Variants in FMN2 observed in about 807,000 individuals in gnomAD.
FMN2 encodes formin-2.
A neutral mutation model predicts 142.3 loss-of-function variants in FMN2; 51 were observed. The ratio of observed to expected loss-of-function variants is 0.36; its 90% CI spans 0.29 to 0.45. The LOEUF (loss-of-function observed/expected upper bound fraction) is 0.45. Among genes scored for constraint, FMN2 ranks in the 20% least tolerant of loss-of-function variants. FMN2 has a pLI of 1.00. For synonymous variants in FMN2, 882 were observed against 869.8 expected, an observed-to-expected ratio of 1.01 and a Z score of -0.25; for missense variants, 1,936 against 2,122.8, an observed-to-expected ratio of 0.91 and a Z score of 1.73.
chr1:240,271,097 G>GTTTTTTTTT (rs1668990424), intron 7 of FMN2, among the ~76,000 whole-genome samples: 1 of 45,138 alleles, frequency 2.2e-5, no homozygotes. Context: ...TTTCCACGAT[G>GTTTTTTTTT]GTTTTTTTTT....
chr1:240,189,900 A>T (rs1252221460), intron 4 of FMN2, among the ~76,000 whole-genome samples: 1 of 152,196 alleles, frequency 6.6e-6, no homozygotes, highest in African/African-American at 2.4e-5. Context: ...TGTGGAAAGC[A>T]TGGCTAAATT....
At chr1:240,349,914 C>A (rs116123680) in intron 13 of FMN2, among the ~76,000 whole-genome samples, 2,521 of 151,458 alleles carry the variant, frequency 0.017, 88 homozygotes, top group African/African-American at 0.058. Flanking sequence ...AATAATGTTT[C>A]TAAATGACCC....
chr1:240,125,253 C>G (rs1279543870), intron 2 of FMN2, among the ~76,000 whole-genome samples: 5 of 152,172 alleles, frequency 3.3e-5, no homozygotes, highest in African/African-American at 9.7e-5. Context: ...ATTCTTGATG[C>G]TTCCCATTTG....
At position 240,217,166 on chromosome 1, in the gene FMN2, T is replaced by C. The variant is rs1331715217; in HGVS notation, c.4065+5931T>C. Among the ~76,000 whole-genome samples, 4 of 152,212 alleles carry C rather than the reference T, an allele frequency of 2.6e-5. No homozygotes were observed. In the East Asian group the frequency reaches 7.7e-4, roughly 29 times the overall value. On this transcript the variant is annotated intron_variant, in intron 6 of 17. Coordinates refer to ENST00000319653, the MANE Select transcript of FMN2 (RefSeq NM_020066.5). ...TGCCTGCCACTGTATTATTGGCTGCTATGAAAAGGAAAAAGAGATTACATA... is the reference window on the plus strand; with the variant it reads ...TGCCTGCCACTGTATTATTGGCTGCCATGAAAAGGAAAAAGAGATTACATA...
chr1:240,233,848 T>G (rs1448247736), intron 6 of FMN2, among the ~76,000 whole-genome samples: 1 of 152,140 alleles, frequency 6.6e-6, no homozygotes, highest in Non-Finnish European at 1.5e-5. Context: ...CCCTCCCTCC[T>G]TAACAAGCAA....
intron 13 of FMN2, among the ~76,000 whole-genome samples, chr1:240,343,889 G>A (rs1013664222): frequency 3.3e-5 from 5 of 152,122 alleles, no homozygotes; most frequent in Admixed American, 2.0e-4. Context: ...TTGGGTCGGC[G>A]GGGAGTATTT....
rs552536594 is a variant in FMN2 at position 240,188,003 on chromosome 1, G to A, written c.1931-204G>A. On this transcript the variant is annotated intron_variant, in intron 3 of 17. Coordinates refer to ENST00000319653, the MANE Select transcript of FMN2 (RefSeq NM_020066.5). Reference sequence around the variant, plus strand: ...TAGGAATATCCCAATTTTTAAAAATGACATGAGCATTCTCATTGTATGTAT... The same window carrying A: ...TAGGAATATCCCAATTTTTAAAAATAACATGAGCATTCTCATTGTATGTAT... Among the ~76,000 whole-genome samples, 10 of 152,280 alleles carry A rather than the reference G, an allele frequency of 6.6e-5. No individual in the cohort carries two copies. In the South Asian group the frequency reaches 1.9e-3, roughly 28 times the overall value.
At chr1:240,250,343 A>G (rs1668236343) in intron 6 of FMN2, among the ~76,000 whole-genome samples, 1 of 152,124 alleles carries the variant, frequency 6.6e-6, no homozygotes, top group Admixed American at 6.6e-5. Flanking sequence ...GTCCATTGAG[A>G]TGATCATATG....
intron 1 of FMN2, 71 bp from the exon 2 acceptor site, chr1:240,123,108 G>C (rs1285402206): frequency 6.4e-7 from 1 of 1,553,398 alleles, no homozygotes; most frequent in Admixed American, 1.8e-5. Context: ...TTACCCAGCC[G>C]CTGTCCCCTG....
chr1:240,284,168 C>T (rs1011855929), intron 7 of FMN2, among the ~76,000 whole-genome samples: 1 of 152,170 alleles, frequency 6.6e-6, no homozygotes, highest in Admixed American at 6.5e-5. Flanking sequence ...CTCAGATATT[C>T]TTTTACTTAC....
intron 7 of FMN2, among the ~76,000 whole-genome samples, chr1:240,279,252 T>G (rs2102935368): frequency 6.6e-6 from 1 of 152,216 alleles, no homozygotes; most frequent in African/African-American, 2.4e-5. Flanking sequence ...ATAAAAATGG[T>G]TTTCTTTAAT....
Position 240,339,528 on chromosome 1 carries a change from TAA to T in FMN2, c.4765+5306_4765+5307del, listed in dbSNP as rs1436778352. Among the ~76,000 whole-genome samples, 393 of 152,070 alleles carry T rather than the reference TAA, an allele frequency of 2.6e-3. 3 individuals are homozygous for T. The highest frequency in any genetic ancestry group is 8.7e-3 in the African/African-American group (360 of 41,538). ...TGTTTTATGATTTTTAAAAAAAATT[TAA>T]AAAAAATTTATTGAGGTAAAATATA... On this transcript the variant is annotated intron_variant, in intron 13 of 17. Coordinates refer to ENST00000319653, the MANE Select transcript of FMN2 (RefSeq NM_020066.5).
chr1:240,271,099 T>TTTTTTTTTTTTG lies in FMN2; in HGVS notation c.4153+13078_4153+13079insGTTTTTTTTTTT, dbSNP rs1341912660. Among the ~76,000 whole-genome samples the TTTTTTTTTTTTG allele has an allele frequency of 1.8e-3, 85 of 47,622 alleles. 7 individuals carry two copies. Among genetic ancestry groups the TTTTTTTTTTTTG allele is most frequent in the African/African-American group, 7.8e-3 (83 of 10,578 alleles). 31.2% of individuals were successfully genotyped at this position (47,622 alleles called of 152,430 possible). ...CCCCCCTAGGAACTTTCCACGATGGTTTTTTTTTTTTTTTTTTTGTGACTC... is the reference window on the plus strand; with the variant it reads ...CCCCCCTAGGAACTTTCCACGATGGTTTTTTTTTTTTGTTTTTTTTTTTTTTTTTTGTGACTC... On this transcript the variant is annotated intron_variant, in intron 7 of 17. Coordinates refer to ENST00000319653, the MANE Select transcript of FMN2 (RefSeq NM_020066.5).
At chr1:240,242,148 G>A (rs1324598129) in intron 6 of FMN2, among the ~76,000 whole-genome samples, 2 of 152,110 alleles carry the variant, frequency 1.3e-5, no homozygotes, top group African/African-American at 4.8e-5. Context: ...CCCGGCTAGT[G>A]TGCCTTTCTT....
intron 14 of FMN2, among the ~76,000 whole-genome samples, chr1:240,359,808 TTA>T (rs1222144224): frequency 6.6e-6 from 1 of 152,214 alleles, no homozygotes; most frequent in Non-Finnish European, 1.5e-5. Context: ...CCACCTGGCT[TTA>T]TATTCTTCAT....
At chr1:240,375,752 CT>C (rs766170285) in intron 14 of FMN2, among the ~76,000 whole-genome samples, 3 of 152,184 alleles carry the variant, frequency 2.0e-5, no homozygotes, top group Non-Finnish European at 4.4e-5. Flanking sequence ...CATTCCCCAG[CT>C]GCAAGGGTGA....
chr1:240,283,126 C>G (rs1669456982), intron 7 of FMN2, among the ~76,000 whole-genome samples: 1 of 152,298 alleles, frequency 6.6e-6, no homozygotes, highest in African/African-American at 2.4e-5. Flanking sequence ...GGCATTTCTG[C>G]CAAGCTGTGT....
intron 14 of FMN2, among the ~76,000 whole-genome samples, chr1:240,372,639 C>A (rs1476858737): frequency 3.5e-5 from 4 of 114,838 alleles, no homozygotes; most frequent in Non-Finnish European, 7.6e-5. Flanking sequence ...GGAAGAATTT[C>A]TTTTTTTTTT....
chr1:240,130,145 A>G (rs569740428), intron 2 of FMN2, among the ~76,000 whole-genome samples: 24 of 152,282 alleles, frequency 1.6e-4, no homozygotes, highest in African/African-American at 5.8e-4. Flanking sequence ...TAGTTTATCT[A>G]TAAGTTGAAA....
Sources: allele counts gnomAD v4.1 joint callset (sites outside exome capture counted in the v4.1 genomes callset), GRCh38; gene constraint gnomAD v4.1.1; transcripts MANE v1.5; gene names NCBI Gene and HGNC (gene_info 2026-07-23, HGNC 2026-07-21).